Variants in CD81 observed in about 807,000 individuals in gnomAD.
CD81 encodes the protein CD81 antigen.
Under a neutral mutation model 30.1 loss-of-function variants are expected in CD81, and 10 were observed. The observed-to-expected ratio is 0.33, with a 90% CI of 0.21 to 0.56. CD81 has a LOEUF of 0.56. Ranked by LOEUF, CD81 falls within the 20% of genes least tolerant of loss-of-function variation. The probability of loss-of-function intolerance (pLI) is 0.89; values close to 1 mark genes in which losing one functional copy is unlikely to be tolerated. For synonymous variants in CD81, 147 were observed against 126.4 expected, an observed-to-expected ratio of 1.16 and a Z score of -1.10; for missense variants, 263 against 308.7, an observed-to-expected ratio of 0.85 and a Z score of 1.11.
chr11:2,380,958 C>T (rs1471722437), intron 1 of CD81, among the ~76,000 whole-genome samples: 1 of 152,218 alleles, frequency 6.6e-6, no homozygotes, highest in African/African-American at 2.4e-5. Context: ...GATTAGAAGC[C>T]TCGCTCACGG....
chr11:2,395,247 A>G (rs556140823), intron 4 of CD81, 169 bp from the exon 5 acceptor site: 47 of 733,024 alleles, frequency 6.4e-5, no homozygotes, highest in Admixed American at 1.8e-4. Context: ...CCCGTGTCCC[A>G]GCACTCCCGG....
At chr11:2,390,742 G>A (rs1849883788) in intron 2 of CD81, among the ~76,000 whole-genome samples, 1 of 152,188 alleles carries the variant, frequency 6.6e-6, no homozygotes, top group Non-Finnish European at 1.5e-5. Flanking sequence ...GCAGGGGGTG[G>A]CAGCTAGGCC....
chr11:2,393,693 C>T (rs1849943241), intron 2 of CD81: 1 of 588,432 alleles, frequency 1.7e-6, no homozygotes, highest in African/African-American at 1.9e-5. Context: ...GATGCCACTC[C>T]CACCCCACGC....
intron 5 of CD81, 153 bp from the exon 6 acceptor site, chr11:2,395,716 G>A (rs1451366529): frequency 1.3e-6 from 1 of 757,620 alleles, no homozygotes; most frequent in African/African-American, 1.7e-5. Context: ...GGAAAGCTCT[G>A]AGCAGCGCAG....
intron 2 of CD81, chr11:2,392,235 G>A (rs1317420110): frequency 6.6e-6 from 1 of 152,326 alleles, no homozygotes; most frequent in East Asian, 1.9e-4. Flanking sequence ...GGTCGGCGTC[G>A]GGCCCCGTGT....
intron 1 of CD81, among the ~76,000 whole-genome samples, chr11:2,379,655 G>GC (rs1220263558): frequency 2.0e-5 from 3 of 152,044 alleles, no homozygotes; most frequent in African/African-American, 7.2e-5. Flanking sequence ...GCCAGGGCGG[G>GC]CCTGGAAGTT....
In CD81 at chr11:2,377,699, C is replaced by A; in HGVS notation, c.66+84C>A. 1.1e-6 allele frequency: 1 copy of A among 904,302 alleles called. No individual in the cohort carries two copies. The highest frequency in any genetic ancestry group is 4.2e-5 in the East Asian group (1 of 23,886). 56.0% of individuals were successfully genotyped at this position (904,302 alleles called of 1,614,324 possible). On this transcript the variant is annotated intron_variant, in intron 1 of 7. Coordinates refer to ENST00000263645, the MANE Select transcript of CD81 (RefSeq NM_004356.4). The surrounding 1 kb of genome is among the most constrained non-coding windows in gnomAD (Gnocchi z 7.7). ...AGGTCCCGCGGCAGCGTGCTAGGCCCCGCGGGCGCAGCGCGGGCCGCGAAG... is the reference window on the plus strand; with the variant it reads ...AGGTCCCGCGGCAGCGTGCTAGGCCACGCGGGCGCAGCGCGGGCCGCGAAG...
intron 1 of CD81, among the ~76,000 whole-genome samples, chr11:2,386,873 C>T (rs532803536): frequency 1.3e-5 from 2 of 152,346 alleles, no homozygotes; most frequent in African/African-American, 4.8e-5. Flanking sequence ...GCCCTGCAGG[C>T]CAGGACCAGC....
chr11:2,387,850 C>T (rs1023931841), intron 1 of CD81, among the ~76,000 whole-genome samples: 4 of 152,152 alleles, frequency 2.6e-5, no homozygotes, highest in Non-Finnish European at 5.9e-5. Context: ...CTCGCTAAAC[C>T]AAAGTGTGAA....
chr11:2,393,938 C>G, intron 2 of CD81, 157 bp from the exon 3 acceptor site: 1 of 711,134 alleles, frequency 1.4e-6, no homozygotes, highest in Non-Finnish European at 2.6e-6. Flanking sequence ...CCAGGCCAGG[C>G]TGGGATGTGA....
rs116567970 is a variant in CD81 at position 2,379,184 on chromosome 11, C to T, written c.66+1569C>T. On this transcript the variant is annotated intron_variant, in intron 1 of 7. Coordinates refer to ENST00000263645, the MANE Select transcript of CD81 (RefSeq NM_004356.4). ...ACACAGGATGTCCCTCTGCCAGCCC[C>T]TGAAGCCCCGTCCCCTGACGAGGCG... 2,642 of 453,842 alleles carry T rather than the reference C, an allele frequency of 5.8e-3. 50 individuals are homozygous for T. The highest frequency in any genetic ancestry group is 0.048 in the African/African-American group (2,373 of 49,616). 28.1% of individuals were successfully genotyped at this position (453,842 alleles called of 1,614,324 possible). A position where few individuals can be genotyped will look rare whatever the true frequency, so the allele number is the denominator to read the frequency against.
chr11:2,389,434 A>AG (rs1168776911), intron 1 of CD81, among the ~76,000 whole-genome samples: 4 of 151,830 alleles, frequency 2.6e-5, no homozygotes, highest in Admixed American at 2.6e-4. Context: ...GTGTGTGCAG[A>AG]GGGGGGCCTG....
At chr11:2,381,844 C>A (rs919338060) in intron 1 of CD81, among the ~76,000 whole-genome samples, 6 of 152,244 alleles carry the variant, frequency 3.9e-5, no homozygotes, top group Non-Finnish European at 7.3e-5. Flanking sequence ...CAGAAATGGG[C>A]TTCAGTGATC....
Position 2,386,145 on chromosome 11 carries a change from G to T in CD81, c.67-4267G>T, listed in dbSNP as rs1437518025. 3 of 717,380 alleles carry T rather than the reference G, an allele frequency of 4.2e-6. No homozygotes were observed. In the Admixed American group the frequency reaches 6.0e-5, roughly 14 times the overall value. The allele number at this position is 717,380 out of a possible 1,614,324, so 44.4% of individuals were successfully genotyped here. ...GCTGCAGCTTGACCTGGGTTTCCTG[G>T]TCCCTGGCAAGGTGGAGCATCTCTT... On this transcript the variant is annotated intron_variant, in intron 1 of 7. Transcript: ENST00000263645.
chr11:2,377,380 C>G lies in CD81; in HGVS notation c.-170C>G, dbSNP rs11546014. 5.2e-3 allele frequency: 786 copies of G among 152,104 alleles called. 43 individuals are homozygous for G. In the East Asian group the frequency reaches 0.12, roughly 24 times the overall value. The allele number at this position is 152,104 out of a possible 1,614,324, so 9.4% of individuals were successfully genotyped here. On this transcript the variant is annotated 5_prime_UTR_variant, in exon 1 of 8. Coordinates refer to ENST00000263645, the MANE Select transcript of CD81 (RefSeq NM_004356.4). The surrounding 1 kb of genome is among the most constrained non-coding windows in gnomAD (Gnocchi z 7.7). ...CGCGCATCCTGCCAGGCCTCCGGCG[C>G]CCAGCGCCCCACGCGCCCCCGCGCC...
At position 2,394,996 on chromosome 11, in the gene CD81, T is replaced by C; in HGVS notation, c.304T>C (p.Phe102Leu). The change falls in exon 4 of 8, where the codon TTT (phenylalanine) becomes CTT (leucine). Residue 102 changes from phenylalanine to leucine, a missense_variant. Phe to Leu is a conservative substitution (Grantham distance 22, BLOSUM62 0). Transcript: ENST00000263645. ...GTTCTTCACCTGCCTGGTCATCCTG[T>C]TTGCCTGTGAGGTGGCCGCCGGCAT... ...GTFFTCLVIL[F>L]ACEVAAGIWG... 1 of 1,612,808 alleles carries C rather than the reference T, an allele frequency of 6.2e-7. No homozygotes were observed. The highest frequency in any genetic ancestry group is 8.5e-7 in the Non-Finnish European group (1 of 1,179,962).
At chr11:2,386,653 C>T in intron 1 of CD81, 1 of 716,336 alleles carries the variant, frequency 1.4e-6, no homozygotes, top group Non-Finnish European at 2.6e-6. Context: ...AGGCCTCTGC[C>T]CAGTGCCTGG....
At chr11:2,389,193 A>C (rs1196522053) in intron 1 of CD81, among the ~76,000 whole-genome samples, 4 of 152,064 alleles carry the variant, frequency 2.6e-5, no homozygotes, top group Non-Finnish European at 5.9e-5. Context: ...TCTGAAGGGG[A>C]CCCAGCCCCC....
intron 1 of CD81, 68 bp from the exon 2 acceptor site, chr11:2,390,344 T>G (rs1037097271): frequency 4.9e-6 from 6 of 1,217,816 alleles, no homozygotes; most frequent in Admixed American, 1.7e-5. Context: ...AGGCCTTGCG[T>G]GTGGGGTGGG....
Sources: allele counts gnomAD v4.1 joint callset (sites outside exome capture counted in the v4.1 genomes callset), GRCh38; gene constraint gnomAD v4.1.1; non-coding constraint Gnocchi (gnomAD v3.1); transcripts MANE v1.5; gene names NCBI Gene and HGNC (gene_info 2026-07-23, HGNC 2026-07-21).